DENND1A: variants seen among roughly 807,000 people sequenced by gnomAD.
The protein encoded by DENND1A is DENN domain-containing protein 1A.
A neutral mutation model predicts 113.7 loss-of-function variants in DENND1A; 51 were observed. The observed-to-expected ratio is 0.45, with a 90% CI of 0.36 to 0.57. The LOEUF is 0.57. Ranked by LOEUF, DENND1A falls within the 20% of genes least tolerant of loss-of-function variation. The probability of loss-of-function intolerance (pLI) is 0.00; values close to 1 mark genes in which losing one functional copy is unlikely to be tolerated. For synonymous variants in DENND1A, 565 were observed against 570.8 expected (o/e 0.99, Z 0.14); for missense variants, 1,258 against 1,395.9 (o/e 0.90, Z 1.57).
At chr9:123,854,152 T>C (rs572832953) in intron 2 of DENND1A, among the ~76,000 whole-genome samples, 1 of 152,266 alleles carries the variant, frequency 6.6e-6, no homozygotes, top group Admixed American at 6.5e-5. Flanking sequence ...CATTAACTCA[T>C]TTTGAGCAAG....
chr9:123,529,273 T>G (rs190772440), intron 13 of DENND1A, among the ~76,000 whole-genome samples: 1 of 152,046 alleles, frequency 6.6e-6, no homozygotes, highest in Non-Finnish European at 1.5e-5. Context: ...AAAAACAAAT[T>G]ATAAGAAATG....
rs147387704 is a variant in DENND1A, at chr9:123,572,374, G to T, written c.867+10795C>A. On this transcript the variant is annotated intron_variant, in intron 12 of 23. Coordinates refer to ENST00000394215, the MANE Select transcript of DENND1A (RefSeq NM_001352964.2). ...TTGGGGGACGTCTGTATTGTTTCTG[G>T]TTTGGGTTGCTAAAAACATACACAT... Among the ~76,000 whole-genome samples the T allele has an allele frequency of 4.0e-3, 610 of 152,210 alleles. 3 individuals carry two copies. The highest frequency in any genetic ancestry group is 7.1e-3 in the Non-Finnish European group (483 of 67,992).
chr9:123,794,286 G>A (rs900507689), intron 2 of DENND1A, among the ~76,000 whole-genome samples: 3 of 152,118 alleles, frequency 2.0e-5, no homozygotes, highest in South Asian at 2.1e-4. Context: ...GGTGAACAAC[G>A]GGGAACAAGG....
At chr9:123,769,124 G>C (rs903791104) in intron 4 of DENND1A, among the ~76,000 whole-genome samples, 30 of 152,056 alleles carry the variant, frequency 2.0e-4, no homozygotes, top group African/African-American at 7.0e-4. Context: ...TTGAAGTCTA[G>C]GAAAAACAAA....
intron 5 of DENND1A, among the ~76,000 whole-genome samples, chr9:123,695,960 C>T (rs373774802): frequency 3.2e-5 from 4 of 125,214 alleles, no homozygotes; most frequent in African/African-American, 1.1e-4. Context: ...GAACAATTTT[C>T]TTCTTCCTTT....
intron 2 of DENND1A, among the ~76,000 whole-genome samples, chr9:123,830,900 A>C (rs997701357): frequency 2.4e-4 from 28 of 118,920 alleles, no homozygotes; most frequent in African/African-American, 8.5e-4. Context: ...AAAAAAAAAA[A>C]CCAGAAAAGA....
intron 3 of DENND1A, among the ~76,000 whole-genome samples, chr9:123,774,807 C>G (rs1196277010): frequency 1.3e-5 from 2 of 151,938 alleles, no homozygotes; most frequent in Non-Finnish European, 2.9e-5. Context: ...TGTTGTAATT[C>G]AAAGATAAAT....
chr9:123,645,026 C>T (rs753478637), intron 9 of DENND1A, among the ~76,000 whole-genome samples: 4 of 152,112 alleles, frequency 2.6e-5, no homozygotes, highest in Admixed American at 6.5e-5. Context: ...CATTAGAGAA[C>T]AAGATTTAGT....
intron 8 of DENND1A, among the ~76,000 whole-genome samples, chr9:123,657,120 G>A (rs1283823656): frequency 6.6e-6 from 1 of 152,184 alleles, no homozygotes; most frequent in Non-Finnish European, 1.5e-5. Flanking sequence ...TTCAGAAGAA[G>A]CCTGCAACGC....
At chr9:123,739,800 T>C (rs928148886) in intron 5 of DENND1A, among the ~76,000 whole-genome samples, 1 of 152,138 alleles carries the variant, frequency 6.6e-6, no homozygotes, top group Non-Finnish European at 1.5e-5. Flanking sequence ...TCTCATCTTA[T>C]GAAATCTTAA....
intron 13 of DENND1A, among the ~76,000 whole-genome samples, chr9:123,514,065 G>GGTGTGTGTGTGTGTGTGTGTGTGT (rs775882728): frequency 6.7e-4 from 73 of 109,292 alleles, no homozygotes; most frequent in Admixed American, 6.3e-3. Context: ...TCTATTTTGA[G>GGTGTGTGTGTGTGTGTGTGTGTGT]GTGTGTGTGT....
intron 11 of DENND1A, among the ~76,000 whole-genome samples, chr9:123,592,689 G>C (rs2059513286): frequency 6.6e-6 from 1 of 152,146 alleles, no homozygotes; most frequent in African/African-American, 2.4e-5. Flanking sequence ...TTTATTTTGA[G>C]AGATGAGGTC....
At chr9:123,468,458 G>A (rs919618954) in intron 13 of DENND1A, among the ~76,000 whole-genome samples, 1 of 152,218 alleles carries the variant, frequency 6.6e-6, no homozygotes, top group African/African-American at 2.4e-5. Flanking sequence ...GGACCCACTT[G>A]ACAGTCCTTT....
chr9:123,495,316 A>G (rs1211784384), intron 13 of DENND1A, among the ~76,000 whole-genome samples: 1 of 152,132 alleles, frequency 6.6e-6, no homozygotes, highest in African/African-American at 2.4e-5. Flanking sequence ...TAAATCCAGG[A>G]ATTCTGAGAG....
intron 2 of DENND1A, among the ~76,000 whole-genome samples, chr9:123,830,189 G>A (rs1234782940): frequency 2.6e-5 from 4 of 152,122 alleles, no homozygotes; most frequent in Admixed American, 2.6e-4. Flanking sequence ...CAATATGGAT[G>A]ATTCTCAAAA....
At chr9:123,418,109 T>A (rs990174751) in intron 19 of DENND1A, among the ~76,000 whole-genome samples, 5 of 152,146 alleles carry the variant, frequency 3.3e-5, no homozygotes, top group African/African-American at 1.2e-4. Flanking sequence ...AACCTTGACG[T>A]CCTTGGTATA....
At chr9:123,811,300 T>C (rs1352886530) in intron 2 of DENND1A, among the ~76,000 whole-genome samples, 1 of 152,186 alleles carries the variant, frequency 6.6e-6, no homozygotes, top group Non-Finnish European at 1.5e-5. Flanking sequence ...AGGTTAGAAG[T>C]GTGGGAAACA....
intron 4 of DENND1A, among the ~76,000 whole-genome samples, chr9:123,763,961 T>C (rs2071256899): frequency 6.6e-6 from 1 of 152,134 alleles, no homozygotes; most frequent in African/African-American, 2.4e-5. Flanking sequence ...TGGTGGTTAT[T>C]ATTTTTAGGA....
At chr9:123,466,309 A>AT (rs199500536) in intron 13 of DENND1A, among the ~76,000 whole-genome samples, 6 of 150,646 alleles carry the variant, frequency 4.0e-5, no homozygotes, top group Admixed American at 1.3e-4. Context: ...TTATTTATTT[A>AT]TTTTTTTTGA....
Sources: gnomAD v4.1 joint callset for allele counts (sites outside exome capture counted in the v4.1 genomes callset) on GRCh38, gnomAD v4.1.1 for gene constraint, MANE v1.5 for transcripts, NCBI Gene and HGNC (gene_info 2026-07-23, HGNC 2026-07-21) for gene names.